Variants in BRAF observed in about 807,000 individuals in gnomAD.
The protein encoded by BRAF is B-Raf proto-oncogene, serine/threonine kinase.
Under a neutral mutation model 104.6 loss-of-function variants are expected in BRAF, and 16 were observed. The observed-to-expected ratio is 0.15, with a 90% CI of 0.10 to 0.23. The LOEUF (loss-of-function observed/expected upper bound fraction) is 0.23, where lower values mean the gene tolerates loss of function less well. BRAF is among the 10% of genes least tolerant of loss of function. The pLI, the probability that BRAF is intolerant of heterozygous loss-of-function variation, is 1.00. For missense variants in BRAF, 541 were observed against 937.3 expected (o/e 0.58, Z 5.52); for synonymous variants, 310 against 341.6 (o/e 0.91, Z 1.02).
chr7:140,743,445 T>C (rs1318562324), intron 17 of BRAF, among the ~76,000 whole-genome samples: 1 of 152,010 alleles, frequency 6.6e-6, no homozygotes, highest in Non-Finnish European at 1.5e-5. Flanking sequence ...AAACTGGAAA[T>C]CATCATTCTT....
rs1451415562 is a variant in BRAF, at chr7:140,777,980, C to T, written c.1637+11G>A. The T allele has an allele frequency of 6.2e-7, 1 of 1,612,528 alleles. No homozygotes were observed. The highest frequency in any genetic ancestry group is 8.5e-7 in the Non-Finnish European group (1 of 1,179,060). On this transcript the variant is annotated intron_variant, in intron 13 of 19. Transcript: ENST00000644969. ...TCTTTCTCTGGAAAAGAGTAATTCA[C>T]ACAAGCTCACCTGAGTACTCCTACT...
chr7:140,721,065 CAGAATTCTTTAAAAA>C lies in BRAF; in HGVS notation c.*5414_*5428del. ...GTTGTTTTCAGAGCACTTCTATCTA[CAGAATTCTTTAAAAA>C]AAAATGCACCTCTAAAAAATGGATA... On this transcript the variant is annotated 3_prime_UTR_variant, in exon 20 of 20. Coordinates refer to ENST00000644969, the MANE Select transcript of BRAF (RefSeq NM_001374258.1). 9.4e-7 allele frequency: 1 copy of C among 1,063,786 alleles called. No individual in the cohort carries two copies. Among genetic ancestry groups the C allele is most frequent in the South Asian group, 4.6e-5 (1 of 21,968 alleles). 65.9% of individuals were successfully genotyped at this position (1,063,786 alleles called of 1,614,324 possible). A position where few individuals can be genotyped will look rare whatever the true frequency, so the allele number is the denominator to read the frequency against.
intron 3 of BRAF, among the ~76,000 whole-genome samples, chr7:140,814,330 C>T (rs1462603441): frequency 6.6e-6 from 1 of 152,126 alleles, no homozygotes; most frequent in South Asian, 2.1e-4. Context: ...AATGAGCTCA[C>T]AATGATTCAT....
intron 1 of BRAF, among the ~76,000 whole-genome samples, chr7:140,882,596 T>C (rs1005735631): frequency 2.6e-5 from 4 of 152,042 alleles, no homozygotes; most frequent in Non-Finnish European, 1.5e-5. Context: ...CAGGCTGGTC[T>C]TGAACACCAG....
intron 3 of BRAF, among the ~76,000 whole-genome samples, chr7:140,819,340 C>T (rs1395921082): frequency 6.6e-5 from 10 of 152,140 alleles, no homozygotes; most frequent in African/African-American, 2.4e-4. Flanking sequence ...GATACCATTT[C>T]ATACCCATTA....
chr7:140,793,980 A>G (rs1802268266), intron 8 of BRAF, among the ~76,000 whole-genome samples: 1 of 152,216 alleles, frequency 6.6e-6, no homozygotes, highest in Non-Finnish European at 1.5e-5. Flanking sequence ...TCATTTTTAT[A>G]AAAGTTTTAA....
chr7:140,771,491 G>A (rs1211241724), intron 14 of BRAF, among the ~76,000 whole-genome samples: 1 of 152,148 alleles, frequency 6.6e-6, no homozygotes, highest in African/African-American at 2.4e-5. Flanking sequence ...ACCGTGTCCA[G>A]ACTAACTTTT....
intron 14 of BRAF, among the ~76,000 whole-genome samples, chr7:140,761,209 C>T (rs1394851035): frequency 1.3e-5 from 2 of 152,130 alleles, no homozygotes; most frequent in Admixed American, 1.3e-4. Context: ...ACTCTACAAG[C>T]CAGAAGAGAG....
chr7:140,817,908 C>G (rs1324061828), intron 3 of BRAF, among the ~76,000 whole-genome samples: 5 of 152,024 alleles, frequency 3.3e-5, no homozygotes, highest in Non-Finnish European at 7.4e-5. Context: ...TTGATAATAG[C>G]ATTGAATGAA....
intron 3 of BRAF, among the ~76,000 whole-genome samples, chr7:140,824,967 T>C (rs1455711133): frequency 2.0e-5 from 3 of 149,734 alleles, no homozygotes; most frequent in Non-Finnish European, 3.0e-5. Context: ...AATTGGGTTG[T>C]TTTTTCTTTT....
chr7:140,845,503 C>G (rs535394965), intron 2 of BRAF, among the ~76,000 whole-genome samples: 25 of 152,204 alleles, frequency 1.6e-4, no homozygotes, highest in South Asian at 4.1e-4. Flanking sequence ...ACAAAACAAA[C>G]AATCCAATTA....
chr7:140,907,875 G>GCTGGGATTACAGGTGCAC (rs1393843724), intron 1 of BRAF, among the ~76,000 whole-genome samples: 1 of 152,072 alleles, frequency 6.6e-6, no homozygotes. Context: ...CTCCTGAGCA[G>GCTGGGATTACAGGTGCAC]CTGGGATTAC....
At chr7:140,774,675 C>T (rs1046304265) in intron 14 of BRAF, among the ~76,000 whole-genome samples, 3 of 152,194 alleles carry the variant, frequency 2.0e-5, no homozygotes, top group African/African-American at 7.2e-5. Context: ...TGCCACCACA[C>T]CTTGCTAAAT....
intron 10 of BRAF, among the ~76,000 whole-genome samples, chr7:140,783,699 C>A (rs1801097075): frequency 6.6e-6 from 1 of 152,128 alleles, no homozygotes; most frequent in African/African-American, 2.4e-5. Context: ...AAACTACATG[C>A]TCTACTATTT....
chr7:140,754,704 A>G (rs976626697), intron 14 of BRAF, among the ~76,000 whole-genome samples: 3 of 152,326 alleles, frequency 2.0e-5, no homozygotes, highest in Admixed American at 2.0e-4. Flanking sequence ...CCGAACTGAA[A>G]GTGCTCTTTC....
rs1309660459 is a variant in BRAF, at chr7:140,721,655, C to T, written c.*4839G>A. ...GATGCTACTACCCTCTTCTGGGGCT[C>T]AACTACCGATGGGCATCAGTAATCC... is the stretch of plus-strand genomic sequence containing the variant. On this transcript the variant is annotated 3_prime_UTR_variant, in exon 20 of 20. Coordinates refer to ENST00000644969, the MANE Select transcript of BRAF (RefSeq NM_001374258.1). The T allele has an allele frequency of 3.3e-6, 5 of 1,534,970 alleles. No homozygotes were observed. In the African/African-American group the frequency reaches 6.9e-5, roughly 21 times the overall value.
intron 1 of BRAF, among the ~76,000 whole-genome samples, chr7:140,894,324 TAAATA>T (rs2129121033): frequency 6.6e-6 from 1 of 152,122 alleles, no homozygotes; most frequent in South Asian, 2.1e-4. Context: ...GATGAAAAGA[TAAATA>T]AAACAGAATT....
At position 140,754,306 on chromosome 7, in the gene BRAF, T is replaced by C. The variant is rs999050710; in HGVS notation, c.1815-73A>G. On this transcript the variant is annotated intron_variant, in intron 14 of 19. Transcript: ENST00000644969. ...GGCCTCGAAATCTACAGAACATACT[T>C]GGGGGTGTAAAGACTTATTTAGAAT... The C allele has an allele frequency of 1.3e-5, 18 of 1,337,024 alleles. No individual in the cohort carries two copies. In the African/African-American group the frequency reaches 2.2e-4, roughly 16 times the overall value. The allele number at this position is 1,337,024 out of a possible 1,614,324, so 82.8% of individuals were successfully genotyped here. A position where few individuals can be genotyped will look rare whatever the true frequency, so the allele number is the denominator to read the frequency against.
chr7:140,915,718 G>A lies in BRAF; in HGVS notation c.138+8848C>T, dbSNP rs187149182. On this transcript the variant is annotated intron_variant, in intron 1 of 19. Coordinates refer to ENST00000644969, the MANE Select transcript of BRAF (RefSeq NM_001374258.1). The stretch of plus-strand genomic sequence containing the variant: ...CCCAAAGTGCTGGGATTACAGGCAT[G>A]AGCCACCGTGACCAGCCTAATTAAA... 8.5e-5 allele frequency among the ~76,000 whole-genome samples: 13 copies of A among 152,122 alleles called. No individual in the cohort carries two copies. In the South Asian group the frequency reaches 2.1e-3, roughly 24 times the overall value.
Sources: allele counts gnomAD v4.1 joint callset (sites outside exome capture counted in the v4.1 genomes callset), GRCh38; gene constraint gnomAD v4.1.1; transcripts MANE v1.5; gene names NCBI Gene and HGNC (gene_info 2026-07-23, HGNC 2026-07-21).